The following C1QBP variants were observed in gnomAD, a reference collection of about 807,000 sequenced individuals.
C1QBP encodes complement component 1 Q subcomponent-binding protein, mitochondrial.
A neutral mutation model predicts 29.4 loss-of-function variants in C1QBP; 24 were observed. The observed-to-expected ratio is 0.82, with a 90% CI of 0.59 to 1.15. The LOEUF is 1.15. Among genes scored for constraint, C1QBP ranks in the 50% most tolerant of loss-of-function variants. C1QBP has a pLI of 0.00. For synonymous variants in C1QBP, 182 were observed against 149.2 expected (o/e 1.22, Z -1.60); for missense variants, 337 against 355.8 (o/e 0.95, Z 0.43).
intron 3 of C1QBP, 79 bp downstream of exon 3, chr17:5,434,794 A>G: frequency 1.5e-6 from 2 of 1,352,040 alleles, no homozygotes; most frequent in Non-Finnish European, 2.1e-6. Flanking sequence ...TTGAAAGACC[A>G]AAGAAAAACG....
chr17:5,437,754 G>A (rs1307043978), intron 2 of C1QBP, among the ~76,000 whole-genome samples: 6 of 152,200 alleles, frequency 3.9e-5, no homozygotes, highest in African/African-American at 1.2e-4. Flanking sequence ...CACCTCTGAT[G>A]GCAGCCCTTA....
At chr17:5,436,241 A>G (rs1303841697) in intron 2 of C1QBP, among the ~76,000 whole-genome samples, 2 of 151,050 alleles carry the variant, frequency 1.3e-5, no homozygotes, top group East Asian at 3.9e-4. Context: ...CATTATTTTT[A>G]ATGGCCCCCA....
In C1QBP at chr17:5,438,448, G is replaced by A. The variant is rs551839791; in HGVS notation, c.233-175C>T. 9.3e-6 allele frequency: 8 copies of A among 858,378 alleles called. No homozygotes were observed. The South Asian group carries it at 1.3e-4, about 14-fold the overall frequency. 53.2% of individuals were successfully genotyped at this position (858,378 alleles called of 1,614,324 possible). A position where few individuals can be genotyped will look rare whatever the true frequency, so the allele number is the denominator to read the frequency against. On this transcript the variant is annotated intron_variant, in intron 1 of 5. Coordinates refer to ENST00000225698, the MANE Select transcript of C1QBP (RefSeq NM_001212.4). ...AATACCATAATAGTAGTAGGAAGCT[G>A]AGCCTGATTCTGGAAAAGTGATTTC... is the stretch of plus-strand genomic sequence containing the variant.
chr17:5,434,915 A>C lies in C1QBP; in HGVS notation c.435T>G (p.Gly145=). 6.2e-7 allele frequency: 1 copy of C among 1,614,126 alleles called. No individual in the cohort carries two copies. Among genetic ancestry groups the C allele is most frequent in the Non-Finnish European group, 8.5e-7 (1 of 1,179,978 alleles). Residue 145 remains glycine (G), a synonymous_variant, in exon 3 of 6, where the codon GGT becomes GGG. Transcript: ENST00000225698. ...TCTGCCCTTGCGAGGGTTCCTCCTC[A>C]CCATCAAATGTTGGTGGGATGCTGT... The part of the protein sequence containing the change: ...INNSIPPTFD[G]EEEPSQGQKV...
chr17:5,434,939 G>A lies in C1QBP; in HGVS notation c.411C>T (p.Asn137=), dbSNP rs1231471419. 6.2e-7 allele frequency: 1 copy of A among 1,614,020 alleles called. No individual in the cohort carries two copies. The highest frequency in any genetic ancestry group is 1.3e-5 in the African/African-American group (1 of 74,922). ...EKITVTFNIN[N]SIPPTFDGEE... is the part of the protein sequence containing the mutation. Reference sequence around the variant, plus strand: ...CACCATCAAATGTTGGTGGGATGCTGTTGTTAATGTTGAAAGTGACCGTGA... The same window carrying A: ...CACCATCAAATGTTGGTGGGATGCTATTGTTAATGTTGAAAGTGACCGTGA... Residue 137 remains asparagine, a synonymous_variant, in exon 3 of 6, where the codon AAC becomes AAT. Transcript: ENST00000225698.
intron 2 of C1QBP, among the ~76,000 whole-genome samples, 157 bp downstream of exon 2, chr17:5,437,966 G>A (rs1433729432): frequency 6.6e-6 from 1 of 152,182 alleles, no homozygotes; most frequent in Non-Finnish European, 1.5e-5. Context: ...TGGACTGCCT[G>A]GGGCTTACGA....
chr17:5,434,852 C>A, intron 3 of C1QBP, 21 bp downstream of exon 3: 1 of 1,595,726 alleles, frequency 6.3e-7, no homozygotes, highest in East Asian at 2.2e-5. Flanking sequence ...GAGGTAAAAG[C>A]TGATTATAGT....
At chr17:5,435,857 A>T (rs1480378092) in intron 2 of C1QBP, among the ~76,000 whole-genome samples, 1 of 126,492 alleles carries the variant, frequency 7.9e-6, no homozygotes, top group African/African-American at 3.4e-5. Context: ...ATGAAACTCC[A>T]TCTCTACTAA....
intron 2 of C1QBP, among the ~76,000 whole-genome samples, chr17:5,435,431 T>A (rs370879727): frequency 2.0e-5 from 3 of 152,122 alleles, no homozygotes; most frequent in East Asian, 3.8e-4. Flanking sequence ...TCAGAAAATT[T>A]GCCCTGCAAG....
rs1916280379 is a variant in C1QBP, at chr17:5,436,695, G to A, written c.383+1428C>T. Among the ~76,000 whole-genome samples, 2 of 150,984 alleles carry A rather than the reference G, an allele frequency of 1.3e-5. 1 individual carries two copies. Among genetic ancestry groups the A allele is most frequent in the African/African-American group, 5.0e-5 (2 of 40,322 alleles). On this transcript the variant is annotated intron_variant, in intron 2 of 5. Transcript: ENST00000225698. ...TAATTTGATAAGATAGTTGTACCCA[G>A]AAAAACTTAACTTTTACAACCCAAC...
intron 2 of C1QBP, among the ~76,000 whole-genome samples, chr17:5,435,682 G>A (rs1300565551): frequency 6.6e-6 from 1 of 151,946 alleles, no homozygotes; most frequent in Admixed American, 6.6e-5. Context: ...GGGACATAAG[G>A]TTTAGAACCA....
At chr17:5,434,012 A>G (rs1015911904) in intron 3 of C1QBP, 8 of 545,910 alleles carry the variant, frequency 1.5e-5, no homozygotes, top group African/African-American at 1.1e-4. Context: ...CTATGTGCCA[A>G]TTAACTGAGT....
intron 4 of C1QBP, 109 bp downstream of exon 4, chr17:5,433,560 G>C: frequency 6.6e-7 from 1 of 1,517,190 alleles, no homozygotes; most frequent in Non-Finnish European, 9.1e-7. Flanking sequence ...TGCTGGGCTG[G>C]TCTAAGCTAG....
At chr17:5,438,040 C>CAAGGCT in intron 2 of C1QBP, 83 bp downstream of exon 2, 2 of 1,513,836 alleles carry the variant, frequency 1.3e-6, no homozygotes, top group Non-Finnish European at 1.8e-6. Flanking sequence ...CACCTGAACT[C>CAAGGCT]AAGGCTCTTC....
At chr17:5,438,344 A>C (rs1291548682) in intron 1 of C1QBP, 71 bp from the exon 2 acceptor site, 1 of 1,538,126 alleles carries the variant, frequency 6.5e-7, no homozygotes, top group Non-Finnish European at 8.8e-7. Context: ...TACCCAGGTT[A>C]TTGCAGCCAG....
intron 2 of C1QBP, among the ~76,000 whole-genome samples, chr17:5,436,846 T>C (rs536345867): frequency 2.0e-4 from 30 of 152,092 alleles, no homozygotes; most frequent in East Asian, 1.9e-3. Context: ...GGTGAAACCC[T>C]GTCTCTACTA....
Position 5,433,762 on chromosome 17 carries a change from T to A in C1QBP, c.483A>T (p.Glu161Asp). Residue 161 changes from glutamate (E) to aspartate (D), a missense_variant, in exon 4 of 6, where the codon GAA (glutamate) becomes GAT (aspartate). Transcript: ENST00000225698. ...QGQKVEEQEP[E>D]LTSTPNFVVE... ...CCACGAAATTGGGAGTTGATGTCAG[T>A]TCAGGCTGGGGAAACAAGAAGTCAA... is the stretch of plus-strand genomic sequence containing the variant. 6.2e-7 allele frequency: 1 copy of A among 1,614,132 alleles called. No homozygotes were observed. Among genetic ancestry groups the A allele is most frequent in the East Asian group, 2.2e-5 (1 of 44,890 alleles).
In C1QBP at chr17:5,433,336, C is replaced by T; in HGVS notation, c.656G>A (p.Trp219Ter). The change falls in exon 5 of 6, where the codon TGG becomes TAG. Residue 219 changes from tryptophan to a stop codon, truncating the protein, a stop_gained. Coordinates refer to ENST00000225698, the MANE Select transcript of C1QBP (RefSeq NM_001212.4). LOFTEE classifies it high-confidence loss of function. ...VSFQSTGESEWKDTNYTLNTD... is the reference protein window; with the variant it reads ...VSFQSTGESE ...GTTGAGTGTATAATTAGTATCCTTCCATTCAGACTCGCCAGTGGACTGAAA... is the reference window on the plus strand; with the variant it reads ...GTTGAGTGTATAATTAGTATCCTTCTATTCAGACTCGCCAGTGGACTGAAA... The T allele has an allele frequency of 6.2e-7, 1 of 1,614,206 alleles. No homozygotes were observed. Among genetic ancestry groups the T allele is most frequent in the Non-Finnish European group, 8.5e-7 (1 of 1,180,044 alleles).
intron 3 of C1QBP, chr17:5,434,010 C>A: frequency 1.8e-6 from 1 of 548,752 alleles, no homozygotes; most frequent in Non-Finnish European, 3.3e-6. Context: ...AGCTATGTGC[C>A]AATTAACTGA....
Sources: allele counts gnomAD v4.1 joint callset (sites outside exome capture counted in the v4.1 genomes callset), GRCh38; gene constraint gnomAD v4.1.1; transcripts MANE v1.5; gene names NCBI Gene and HGNC (gene_info 2026-07-23, HGNC 2026-07-21).